ZP4: variants seen among roughly 807,000 people sequenced by gnomAD.
The protein encoded by ZP4 is zona pellucida sperm-binding protein 4.
Under a neutral mutation model 62.3 loss-of-function variants are expected in ZP4, and 62 were observed. The observed-to-expected ratio is 0.99, with a 90% CI of 0.81 to 1.23. ZP4 has a LOEUF of 1.23. ZP4 is among the 50% of genes most tolerant of loss of function. The probability of loss-of-function intolerance (pLI) is 0.00; values close to 1 mark genes in which losing one functional copy is unlikely to be tolerated. For missense variants in ZP4, 774 were observed against 656.0 expected (o/e 1.18, Z -1.97); for synonymous variants, 289 against 247.3 (o/e 1.17, Z -1.58).
intron 10 of ZP4, among the ~76,000 whole-genome samples, chr1:237,884,062 A>AC (rs1491090829): frequency 2.1e-4 from 30 of 142,600 alleles, no homozygotes; most frequent in African/African-American, 8.0e-4. Flanking sequence ...AAACACACAC[A>AC]AACACACACA....
chr1:237,890,680 C>A lies in ZP4; in HGVS notation c.-45G>T, dbSNP rs1015487150. On this transcript the variant is annotated 5_prime_UTR_variant, in exon 1 of 12. Transcript: ENST00000366570. Reference sequence around the variant, plus strand: ...GCCGGCTGCAGACTCTCCGCCTCCTCTCCCAAGAGCCGAGGGTCTGCCTGC... The same window carrying A: ...GCCGGCTGCAGACTCTCCGCCTCCTATCCCAAGAGCCGAGGGTCTGCCTGC... The A allele has an allele frequency of 1.9e-6, 3 of 1,581,094 alleles. No homozygotes were observed. The highest frequency in any genetic ancestry group is 2.6e-6 in the Non-Finnish European group (3 of 1,163,478).
chr1:237,883,956 TCACACACACAAACACACACA>T (rs1665006812), intron 10 of ZP4, among the ~76,000 whole-genome samples: 1 of 127,130 alleles, frequency 7.9e-6, no homozygotes, highest in Non-Finnish European at 1.6e-5. Context: ...CAAGAACTGG[TCACACACACAAACACACACA>T]CACACAAACA....
intron 3 of ZP4, 80 bp downstream of exon 3, chr1:237,889,787 G>A: frequency 8.2e-7 from 1 of 1,216,692 alleles, no homozygotes; most frequent in East Asian, 2.3e-5. Context: ...ACTGCACAGA[G>A]CAGGTCAGAG....
At chr1:237,884,069 CACAA>C (rs1418114132) in intron 10 of ZP4, among the ~76,000 whole-genome samples, 5 of 142,214 alleles carry the variant, frequency 3.5e-5, no homozygotes, top group African/African-American at 1.1e-4. Context: ...CACAAACACA[CACAA>C]ACACACACAA....
Position 237,889,663 on chromosome 1 carries a change from A to G in ZP4, c.400+204T>C, listed in dbSNP as rs754530143. Among the ~76,000 whole-genome samples the G allele has an allele frequency of 6.6e-5, 10 of 152,148 alleles. 1 individual carries two copies. Among genetic ancestry groups the G allele is most frequent in the Admixed American group, 1.3e-4 (2 of 15,274 alleles). Reference sequence around the variant, plus strand: ...TAGGGTTAGGGAAGGTAACACCTGAAGTGCTTACCCACAGTGCCTTGGCAT... The same window carrying G: ...TAGGGTTAGGGAAGGTAACACCTGAGGTGCTTACCCACAGTGCCTTGGCAT... On this transcript the variant is annotated intron_variant, in intron 3 of 11. Transcript: ENST00000366570.
Position 237,889,884 on chromosome 1 carries a change from C to T in ZP4, c.383G>A (p.Cys128Tyr). The change falls in exon 3 of 12, where the codon TGT (cysteine) becomes TAT (tyrosine). Residue 128 changes from cysteine to tyrosine, a missense_variant. By Grantham distance (194) the Cys-to-Tyr change is radical. Transcript: ENST00000366570. ...KVVTERKLLK[C>Y]PMDLLARDAP... ...GCCTTTACCTAGAAGATCCATAGGA[C>T]ACTTGAGCAGCTTCCTCTCTGTAAC... 1 of 1,612,788 alleles carries T rather than the reference C, an allele frequency of 6.2e-7. No homozygotes were observed. Among genetic ancestry groups the T allele is most frequent in the East Asian group, 2.2e-5 (1 of 44,802 alleles).
rs778651064 is a variant in ZP4, at chr1:237,887,368, G to A, written c.741+6C>T. 4 of 1,612,920 alleles carry A rather than the reference G, an allele frequency of 2.5e-6. No individual in the cohort carries two copies. The highest frequency in any genetic ancestry group is 3.4e-6 in the Non-Finnish European group (4 of 1,179,388). On this transcript the variant is annotated splice_donor_region_variant and intron_variant, in intron 5 of 11. Transcript: ENST00000366570. The stretch of plus-strand genomic sequence containing the variant: ...CCAGAGCCAGGAACAAAGCCCAACT[G>A]CTCACCTGTCTTGTGGTGCCACAGG...
rs754519654 is a variant in ZP4 at position 237,890,044 on chromosome 1, G to A, written c.297+11C>T. 2 of 1,614,140 alleles carry A rather than the reference G, an allele frequency of 1.2e-6. No homozygotes were observed. The highest frequency in any genetic ancestry group is 1.7e-5 in the Admixed American group (1 of 60,020). On this transcript the variant is annotated intron_variant, in intron 2 of 11. Transcript: ENST00000366570. ...TTCACACAGTCTCCCTGGCCATTGG[G>A]TCATACTCACCCACTCAGTGACATA...
intron 3 of ZP4, among the ~76,000 whole-genome samples, chr1:237,889,071 T>C: frequency 6.6e-6 from 1 of 152,172 alleles, no homozygotes; most frequent in East Asian, 1.9e-4. Flanking sequence ...TTCCTGCTGT[T>C]TCCTTAGGGA....
At chr1:237,883,627 AGGGG>A (rs1664969540) in intron 10 of ZP4, among the ~76,000 whole-genome samples, 66 of 12,312 alleles carry the variant, frequency 5.4e-3, no homozygotes, top group South Asian at 0.011. Flanking sequence ...GGTGGGAGAG[AGGGG>A]GAGGGGGAGG....
Position 237,887,415 on chromosome 1 carries a change from G to GA in ZP4, c.699dup (p.Leu234SerfsTer23), listed in dbSNP as rs767780697. The stretch of plus-strand genomic sequence containing the variant: ...CAGGAAGTAAATGGAAACTGGAACA[G>GA]AACAAAAGCTTGTGTTGCCATCACA... On this transcript the variant is annotated frameshift_variant, in exon 5 of 12. Transcript: ENST00000366570. LOFTEE classifies it high-confidence loss of function. The GA allele has an allele frequency of 6.2e-7, 1 of 1,613,952 alleles. No individual in the cohort carries two copies. The highest frequency in any genetic ancestry group is 8.5e-7 in the Non-Finnish European group (1 of 1,180,034).
Position 237,885,233 on chromosome 1 carries a change from G to C in ZP4, c.1243C>G (p.Gln415Glu). 6.2e-7 allele frequency: 1 copy of C among 1,614,164 alleles called. No individual in the cohort carries two copies. ...ALDLPFPSHH[Q>E]RFSIFTFSFV... ...CTGAAGGTGAAGATGCTGAAGCGCT[G>C]GTGGTGAGAGGGAAATGGAAGATCC... is the stretch of plus-strand genomic sequence containing the variant. Residue 415 changes from glutamine (Q) to glutamate (E), a missense_variant, in exon 9 of 12, where the codon CAG (glutamine) becomes GAG (glutamate). Coordinates refer to ENST00000366570, the MANE Select transcript of ZP4 (RefSeq NM_021186.5).
Position 237,888,292 on chromosome 1 carries a change from T to A in ZP4, c.553+66A>T, listed in dbSNP as rs474619. On this transcript the variant is annotated intron_variant, in intron 4 of 11. Coordinates refer to ENST00000366570, the MANE Select transcript of ZP4 (RefSeq NM_021186.5). ...GATGTTTGCCTTCTGAGCAAACCCC[T>A]CTCTGGGTTTCATTGTAATTGCCAC... The A allele has an allele frequency of 0.023, 32,968 of 1,447,110 alleles. 5,912 individuals are homozygous for A. The African/African-American group carries it at 0.41, about 18-fold the overall frequency. 89.6% of individuals were successfully genotyped at this position (1,447,110 alleles called of 1,614,324 possible).
chr1:237,884,025 C>CAT, intron 10 of ZP4, among the ~76,000 whole-genome samples: 1 of 101,524 alleles, frequency 9.8e-6, no homozygotes, highest in Non-Finnish European at 2.0e-5. Context: ...CAAACACACA[C>CAT]ACACACAAAC....
intron 4 of ZP4, among the ~76,000 whole-genome samples, chr1:237,888,134 T>C (rs1443501828): frequency 6.6e-6 from 1 of 152,248 alleles, no homozygotes; most frequent in Non-Finnish European, 1.5e-5. Context: ...ATCTGGCACA[T>C]AGCCTTCAAG....
intron 10 of ZP4, 147 bp from the exon 11 acceptor site, chr1:237,882,993 G>A (rs1385625326): frequency 3.6e-6 from 2 of 558,688 alleles, no homozygotes; most frequent in African/African-American, 1.9e-5. Context: ...ATATGTACTT[G>A]AACAAGTGAG....
chr1:237,884,112 A>G (rs73112204), intron 10 of ZP4, among the ~76,000 whole-genome samples: 2,626 of 151,926 alleles, frequency 0.017, 39 homozygotes, highest in African/African-American at 0.039. Flanking sequence ...GAACTGTTTT[A>G]ATTCTACTTC....
intron 6 of ZP4, 27 bp from the exon 7 acceptor site, chr1:237,885,913 T>C (rs1030017597): frequency 6.2e-7 from 1 of 1,613,152 alleles, no homozygotes; most frequent in African/African-American, 1.3e-5. Context: ...TTTTAGCTAG[T>C]TGGTTGTGGG....
In ZP4 at chr1:237,883,983, AACACAC is replaced by A. The variant is rs1173733667; in HGVS notation, c.1390+780_1390+785del. On this transcript the variant is annotated intron_variant, in intron 10 of 11. Transcript: ENST00000366570. ...ACACACACAAACACACACACACACA[AACACAC>A]ACACACACACACACACACACACACA... 4.0e-4 allele frequency among the ~76,000 whole-genome samples: 17 copies of A among 42,412 alleles called. 1 individual carries two copies. The highest frequency in any genetic ancestry group is 1.1e-3 in the African/African-American group (12 of 11,138). 27.8% of individuals were successfully genotyped at this position (42,412 alleles called of 152,430 possible).
Sources: allele counts gnomAD v4.1 joint callset (sites outside exome capture counted in the v4.1 genomes callset), GRCh38; gene constraint gnomAD v4.1.1; transcripts MANE v1.5; gene names NCBI Gene and HGNC (gene_info 2026-07-23, HGNC 2026-07-21).